Variants in FAXDC2 observed in about 807,000 individuals in gnomAD.
FAXDC2 encodes fatty acid hydroxylase domain-containing protein 2.
Under a neutral mutation model 40.9 loss-of-function variants are expected in FAXDC2, and 41 were observed. That is an observed-to-expected ratio of 1.00 (90% CI 0.78 to 1.30). The LOEUF is 1.30. Ranked by LOEUF, FAXDC2 falls within the 50% of genes most tolerant of loss-of-function variation. The pLI is 0.00. For synonymous variants in FAXDC2, 157 were observed against 149.3 expected, an observed-to-expected ratio of 1.05 and a Z score of -0.38; for missense variants, 390 against 408.8, an observed-to-expected ratio of 0.95 and a Z score of 0.40.
At position 154,834,733 on chromosome 5, in the gene FAXDC2, GA is replaced by G. The variant is rs758755926; in HGVS notation, c.141-6del. 9 of 1,611,992 alleles carry G rather than the reference GA, an allele frequency of 5.6e-6. No homozygotes were observed. The Admixed American group carries it at 8.4e-5, about 15-fold the overall frequency. On this transcript the variant is annotated splice_region_variant and splice_polypyrimidine_tract_variant and intron_variant, in intron 3 of 8. Transcript: ENST00000326080. ...CCCCAAAATCTCTGAAGATGCCTTGGAAAAAAAACCAGGTTTCTGGGTGAAG... is the reference window on the plus strand; with the variant it reads ...CCCCAAAATCTCTGAAGATGCCTTGGAAAAAAACCAGGTTTCTGGGTGAAG...
intron 5 of FAXDC2, 129 bp from the exon 6 acceptor site, chr5:154,823,721 T>C: frequency 1.4e-6 from 1 of 712,038 alleles, no homozygotes. Flanking sequence ...CAGTAGCTCC[T>C]GACTGCCACC....
chr5:154,831,418 G>A (rs1760186889), intron 4 of FAXDC2: 1 of 152,424 alleles, frequency 6.6e-6, no homozygotes, highest in African/African-American at 2.4e-5. Context: ...CAGTATAAGT[G>A]GAAAACTCAT....
chr5:154,820,994 T>C (rs1017583519), intron 8 of FAXDC2: 6 of 437,600 alleles, frequency 1.4e-5, no homozygotes, highest in Non-Finnish European at 1.7e-5. Flanking sequence ...TTTATGCATA[T>C]ATGTACTTTT....
chr5:154,841,623 C>T (rs1466971053), intron 1 of FAXDC2, among the ~76,000 whole-genome samples: 1 of 152,178 alleles, frequency 6.6e-6, no homozygotes, highest in East Asian at 1.9e-4. Flanking sequence ...TTGTCCTAAG[C>T]AGTTCCTGTG....
intron 1 of FAXDC2, among the ~76,000 whole-genome samples, chr5:154,839,338 A>AG (rs1220429591): frequency 6.6e-6 from 1 of 151,706 alleles, no homozygotes; most frequent in East Asian, 1.9e-4. Flanking sequence ...AAAAAAAAAA[A>AG]AAAAGAAAAG....
intron 4 of FAXDC2, among the ~76,000 whole-genome samples, chr5:154,831,854 G>A (rs1374826916): frequency 6.6e-6 from 1 of 151,940 alleles, no homozygotes; most frequent in Non-Finnish European, 1.5e-5. Flanking sequence ...CTGTTTGTAT[G>A]CATAAATGTC....
chr5:154,842,550 T>G, intron 1 of FAXDC2, among the ~76,000 whole-genome samples: 1 of 111,826 alleles, frequency 8.9e-6, no homozygotes, highest in African/African-American at 3.5e-5. Context: ...TGAGACAGAG[T>G]CTCACTCTGT....
At position 154,826,527 on chromosome 5, in the gene FAXDC2, T is replaced by TAA. The variant is rs764669604; in HGVS notation, c.367-2937_367-2936dup. On this transcript the variant is annotated intron_variant, in intron 5 of 8. Transcript: ENST00000326080. Reference sequence around the variant, plus strand: ...CTGAGCAACAGAGCAAGACTGTCTCTAAAAAAAAAAAAAAAAAAAGAAAAG... The same window carrying TAA: ...CTGAGCAACAGAGCAAGACTGTCTCTAAAAAAAAAAAAAAAAAAAAAGAAAAG... 1.7e-4 allele frequency among the ~76,000 whole-genome samples: 17 copies of TAA among 101,500 alleles called. No individual in the cohort carries two copies. In the East Asian group the frequency reaches 1.9e-3, roughly 12 times the overall value. The allele number at this position is 101,500 out of a possible 152,430, so 66.6% of individuals were successfully genotyped here.
At chr5:154,821,593 T>G (rs1759890933) in intron 7 of FAXDC2, among the ~76,000 whole-genome samples, 167 bp from the exon 8 acceptor site, 1 of 152,176 alleles carries the variant, frequency 6.6e-6, no homozygotes, top group Non-Finnish European at 1.5e-5. Context: ...CCTTTGTAAC[T>G]TGGGACAAAT....
intron 6 of FAXDC2, among the ~76,000 whole-genome samples, chr5:154,823,087 C>T (rs1759928687): frequency 6.6e-6 from 1 of 152,204 alleles, no homozygotes; most frequent in Non-Finnish European, 1.5e-5. Context: ...TCACAGCTCA[C>T]TATAGCCTTG....
chr5:154,835,068 C>T (rs749844479), intron 2 of FAXDC2, 134 bp from the exon 3 acceptor site: 6 of 638,420 alleles, frequency 9.4e-6, no homozygotes, highest in South Asian at 1.9e-5. Flanking sequence ...CGTTTTCCAG[C>T]TGGCCTTTTC....
chr5:154,825,670 C>G (rs55734017), intron 5 of FAXDC2, among the ~76,000 whole-genome samples: 2 of 73,164 alleles, frequency 2.7e-5, no homozygotes, highest in East Asian at 3.6e-4. Context: ...AAAAAAAAAG[C>G]AGTAATATAG....
At position 154,819,096 on chromosome 5, in the gene FAXDC2, A is replaced by G. The variant is rs946279670; in HGVS notation, c.*1220T>C. 1 of 152,250 alleles carries G rather than the reference A, an allele frequency of 6.6e-6. No individual in the cohort carries two copies. Among genetic ancestry groups the G allele is most frequent in the Admixed American group, 6.5e-5 (1 of 15,288 alleles). 9.4% of individuals were successfully genotyped at this position (152,250 alleles called of 1,614,324 possible). On this transcript the variant is annotated 3_prime_UTR_variant, in exon 9 of 9. Transcript: ENST00000326080. ...ACTTGGACCTAGCTGATACTAAGGT[A>G]TTTTATAAAGCTACAGTGGATGTTT...
chr5:154,841,726 G>A (rs1358693789), intron 1 of FAXDC2, among the ~76,000 whole-genome samples: 1 of 151,638 alleles, frequency 6.6e-6, no homozygotes, highest in Non-Finnish European at 1.5e-5. Flanking sequence ...CTGGGATGAG[G>A]CAAAGTCATA....
At chr5:154,827,465 CTG>C (rs992627074) in intron 5 of FAXDC2, among the ~76,000 whole-genome samples, 3 of 73,968 alleles carry the variant, frequency 4.1e-5, no homozygotes, top group Non-Finnish European at 9.5e-5. Flanking sequence ...GTGTGTATGT[CTG>C]TTTTTTTGTG....
At position 154,823,381 on chromosome 5, in the gene FAXDC2, G is replaced by T. The variant is rs779772166; in HGVS notation, c.572+6C>A. ...GCCAGCTGTGCCTCAGGCAGGGCCT[G>T]CTCACCGGTGTGAATAGTAGAACAA... On this transcript the variant is annotated splice_donor_region_variant and intron_variant, in intron 6 of 8. Transcript: ENST00000326080. 3 of 1,612,744 alleles carry T rather than the reference G, an allele frequency of 1.9e-6. No individual in the cohort carries two copies. The highest frequency in any genetic ancestry group is 2.5e-6 in the Non-Finnish European group (3 of 1,179,742).
chr5:154,821,192 A>G (rs1257824216), intron 8 of FAXDC2, 68 bp downstream of exon 8: 1 of 1,309,576 alleles, frequency 7.6e-7, no homozygotes, highest in Non-Finnish European at 1.1e-6. Flanking sequence ...AGTGCCTGCT[A>G]TCAGAAGCTT....
intron 5 of FAXDC2, among the ~76,000 whole-genome samples, chr5:154,826,426 G>A (rs1760037660): frequency 6.6e-6 from 1 of 151,868 alleles, no homozygotes. Context: ...CTACTGGGGA[G>A]GCTGAGGCAG....
intron 1 of FAXDC2, among the ~76,000 whole-genome samples, chr5:154,839,583 G>A (rs1335198648): frequency 6.6e-6 from 1 of 151,830 alleles, no homozygotes; most frequent in Non-Finnish European, 1.5e-5. Flanking sequence ...GGGAGATGGA[G>A]GCTGCAATGA....
Sources: allele counts gnomAD v4.1 joint callset (sites outside exome capture counted in the v4.1 genomes callset), GRCh38; gene constraint gnomAD v4.1.1; transcripts MANE v1.5; gene names NCBI Gene and HGNC (gene_info 2026-07-23, HGNC 2026-07-21).